The following PRR5L variants were observed in gnomAD, a reference collection of about 807,000 sequenced individuals.
PRR5L encodes the protein proline rich 5 like, also known as proline-rich protein 5-like.
In PRR5L, 21 loss-of-function variants were observed where a neutral mutation model predicts 36.4. That is an observed-to-expected ratio of 0.58 (90% CI 0.41 to 0.83). The LOEUF (loss-of-function observed/expected upper bound fraction) is 0.83. PRR5L is among the 40% of genes least tolerant of loss of function. The probability of loss-of-function intolerance (pLI) is 0.00; values close to 1 mark genes in which losing one functional copy is unlikely to be tolerated. For synonymous variants in PRR5L, 188 were observed against 197.0 expected (o/e 0.95, Z 0.38); for missense variants, 381 against 473.3 (o/e 0.80, Z 1.81).
intron 3 of PRR5L, among the ~76,000 whole-genome samples, chr11:36,406,036 G>C (rs1487787503): frequency 6.6e-6 from 1 of 152,092 alleles, no homozygotes; most frequent in Non-Finnish European, 1.5e-5. Context: ...TTTGTTCTTT[G>C]CACTATATTG....
At chr11:36,409,593 T>G (rs1325251659) in intron 3 of PRR5L, among the ~76,000 whole-genome samples, 1 of 151,934 alleles carries the variant, frequency 6.6e-6, no homozygotes, top group African/African-American at 2.4e-5. Flanking sequence ...GGACCCACAG[T>G]AGGGGGGAAG....
intron 1 of PRR5L, among the ~76,000 whole-genome samples, chr11:36,362,870 G>A (rs1440949087): frequency 6.6e-6 from 1 of 152,196 alleles, no homozygotes; most frequent in Non-Finnish European, 1.5e-5. Context: ...GGGCTGGGGG[G>A]TGGTGTGTGT....
At chr11:36,336,567 C>A (rs117047800) in intron 1 of PRR5L, among the ~76,000 whole-genome samples, 4 of 143,992 alleles carry the variant, frequency 2.8e-5, no homozygotes, top group Non-Finnish European at 6.0e-5. Flanking sequence ...ATAATGCTAG[C>A]GCTGGTATGT....
rs766888064 is a variant in PRR5L, at chr11:36,361,680, T to C, written c.-125-39317T>C. ...GTTCATTTATGTGGGCAAATCAATG[T>C]CTACTGAAAAAAATGAGGTAAAGAG... On this transcript the variant is annotated intron_variant, in intron 1 of 8. Coordinates refer to ENST00000530639, the MANE Select transcript of PRR5L (RefSeq NM_001160167.2). 1.2e-3 allele frequency among the ~76,000 whole-genome samples: 179 copies of C among 152,216 alleles called. 3 individuals are homozygous for C. Among genetic ancestry groups the C allele is most frequent in the Non-Finnish European group, 3.1e-4 (21 of 68,030 alleles).
In PRR5L at chr11:36,306,662, C is replaced by A. The variant is rs111776649; in HGVS notation, c.-126+10224C>A. ...ATTTTTTAATGATCTTGCAAAGTTG[C>A]CTTCTAATAAAGGCTTTACCAATGC... is the stretch of plus-strand genomic sequence containing the variant. On this transcript the variant is annotated intron_variant, in intron 1 of 8. Transcript: ENST00000530639. Among the ~76,000 whole-genome samples the A allele has an allele frequency of 9.5e-3, 1,451 of 152,134 alleles. 20 individuals carry two copies. The highest frequency in any genetic ancestry group is 0.034 in the African/African-American group (1,393 of 41,460).
intron 1 of PRR5L, among the ~76,000 whole-genome samples, chr11:36,380,032 C>G (rs1392145338): frequency 1.3e-5 from 2 of 152,144 alleles, no homozygotes; most frequent in Non-Finnish European, 2.9e-5. Context: ...ATTTTGATAT[C>G]TACCCTTGAA....
chr11:36,373,813 T>C (rs1857221806), intron 1 of PRR5L, among the ~76,000 whole-genome samples: 1 of 152,140 alleles, frequency 6.6e-6, no homozygotes, highest in Non-Finnish European at 1.5e-5. Context: ...TTAACCTTTT[T>C]TTTCTTATTG....
intron 1 of PRR5L, among the ~76,000 whole-genome samples, chr11:36,366,520 A>G (rs1470225240): frequency 6.6e-6 from 1 of 152,236 alleles, no homozygotes; most frequent in Non-Finnish European, 1.5e-5. Flanking sequence ...GTAAAATGAA[A>G]AACAAATACA....
chr11:36,387,097 T>C (rs999957444), intron 1 of PRR5L, among the ~76,000 whole-genome samples: 1 of 152,148 alleles, frequency 6.6e-6, no homozygotes, highest in Non-Finnish European at 1.5e-5. Flanking sequence ...CCTTGGGTGC[T>C]GCTGGCTTAC....
chr11:36,462,280 G>A (rs1260952133), intron 8 of PRR5L, 62 bp from the exon 9 acceptor site: 2 of 1,443,454 alleles, frequency 1.4e-6, no homozygotes, highest in Admixed American at 2.6e-5. Flanking sequence ...AGTTGGATTA[G>A]GAGCTTTTAA....
chr11:36,328,863 T>C (rs571874029), intron 1 of PRR5L, among the ~76,000 whole-genome samples: 47 of 152,330 alleles, frequency 3.1e-4, no homozygotes, highest in African/African-American at 1.1e-3. Context: ...ATCTGAAACT[T>C]CCCTAGAAAT....
At chr11:36,393,707 G>A (rs1857604407) in intron 1 of PRR5L, 1 of 152,128 alleles carries the variant, frequency 6.6e-6, no homozygotes. Flanking sequence ...TTCTATTTCT[G>A]TGAAGAATGT....
intron 1 of PRR5L, among the ~76,000 whole-genome samples, chr11:36,364,645 C>T (rs1482069163): frequency 6.6e-6 from 1 of 152,164 alleles, no homozygotes. Flanking sequence ...ATAAACACAG[C>T]AGTTTTGATT....
intron 4 of PRR5L, among the ~76,000 whole-genome samples, chr11:36,419,781 T>C (rs1219935964): frequency 1.3e-5 from 2 of 152,186 alleles, no homozygotes; most frequent in Non-Finnish European, 2.9e-5. Flanking sequence ...TGTAATGATA[T>C]TGCATGCCAC....
At chr11:36,351,656 TAA>T (rs1491133983) in intron 1 of PRR5L, among the ~76,000 whole-genome samples, 287 of 4,102 alleles carry the variant, frequency 0.07, 78 homozygotes, top group East Asian at 0.31. Context: ...TATATTTATA[TAA>T]ATATATATTT....
chr11:36,429,373 T>C (rs1858446458), intron 4 of PRR5L, among the ~76,000 whole-genome samples: 1 of 152,178 alleles, frequency 6.6e-6, no homozygotes, highest in Non-Finnish European at 1.5e-5. Flanking sequence ...CCAAGGGTAC[T>C]AACTAAAATG....
At chr11:36,449,548 T>C (rs1245466358) in intron 7 of PRR5L, among the ~76,000 whole-genome samples, 1 of 152,160 alleles carries the variant, frequency 6.6e-6, no homozygotes, top group Non-Finnish European at 1.5e-5. Flanking sequence ...TGAAGATCTG[T>C]TTCCTCCCAG....
intron 1 of PRR5L, among the ~76,000 whole-genome samples, chr11:36,316,166 G>A (rs1565382257): frequency 6.6e-6 from 1 of 152,212 alleles, no homozygotes; most frequent in Non-Finnish European, 1.5e-5. Context: ...TATGGTCTGT[G>A]TTGCAGTTAC....
intron 4 of PRR5L, among the ~76,000 whole-genome samples, chr11:36,422,143 TG>T (rs1353582929): frequency 2.0e-5 from 3 of 152,206 alleles, no homozygotes; most frequent in African/African-American, 7.2e-5. Context: ...GACTCAGATT[TG>T]GAAAGCCCAT....
Sources: allele counts gnomAD v4.1 joint callset (sites outside exome capture counted in the v4.1 genomes callset), GRCh38; gene constraint gnomAD v4.1.1; transcripts MANE v1.5; gene names NCBI Gene and HGNC (gene_info 2026-07-23, HGNC 2026-07-21).